The following SARDH variants were observed in gnomAD, a reference collection of about 807,000 sequenced individuals.
The protein encoded by SARDH is sarcosine dehydrogenase, mitochondrial.
A neutral mutation model predicts 109.1 loss-of-function variants in SARDH; 95 were observed. That is an observed-to-expected ratio of 0.87 (90% CI 0.74 to 1.03). The LOEUF (loss-of-function observed/expected upper bound fraction) is 1.03, where lower values mean the gene tolerates loss of function less well. Among genes scored for constraint, SARDH ranks in the 50% least tolerant of loss-of-function variants. The pLI is 0.00. For missense variants in SARDH, 1,267 were observed against 1,287.8 expected, an observed-to-expected ratio of 0.98 and a Z score of 0.25; for synonymous variants, 572 against 534.8, an observed-to-expected ratio of 1.07 and a Z score of -0.96.
chr9:133,737,924 G>A (rs944653957), intron 1 of SARDH, among the ~76,000 whole-genome samples: 1 of 152,212 alleles, frequency 6.6e-6, no homozygotes, highest in Non-Finnish European at 1.5e-5. Flanking sequence ...TTTTGTCACA[G>A]GACTGGGGCC....
intron 11 of SARDH, among the ~76,000 whole-genome samples, chr9:133,705,821 A>C (rs1831674839): frequency 6.6e-6 from 1 of 152,218 alleles, no homozygotes; most frequent in Non-Finnish European, 1.5e-5. Flanking sequence ...TTTAGGTTAA[A>C]TGAGGTCATC....
At chr9:133,680,425 G>A (rs1191712098) in intron 17 of SARDH, among the ~76,000 whole-genome samples, 1 of 152,256 alleles carries the variant, frequency 6.6e-6, no homozygotes, top group Non-Finnish European at 1.5e-5. Context: ...CACCCGTCTT[G>A]CTGGCCAGGA....
At chr9:133,683,263 G>A (rs1830762261) in intron 17 of SARDH, among the ~76,000 whole-genome samples, 1 of 152,178 alleles carries the variant, frequency 6.6e-6, no homozygotes, top group African/African-American at 2.4e-5. Context: ...ACAAGTCCCA[G>A]CAGCTTGCTG....
chr9:133,733,751 T>A, intron 2 of SARDH, 92 bp downstream of exon 2: 1 of 1,252,254 alleles, frequency 8.0e-7, no homozygotes, highest in Admixed American at 3.5e-5. Flanking sequence ...AGGCTGGTTG[T>A]TGTGAACCAA....
Position 133,702,665 on chromosome 9 carries a change from C to A in SARDH, c.1668+251G>T, listed in dbSNP as rs574049859. 3.9e-5 allele frequency among the ~76,000 whole-genome samples: 6 copies of A among 152,376 alleles called. No individual in the cohort carries two copies. In the East Asian group the frequency reaches 9.6e-4, roughly 25 times the overall value. ...GCCCGTTGCCTCCGCCCCCACCTCA[C>A]CCCATCCCCAGCAGCACCACTTCCG... On this transcript the variant is annotated intron_variant, in intron 13 of 20. Coordinates refer to ENST00000439388, the MANE Select transcript of SARDH (RefSeq NM_001134707.2).
chr9:133,720,626 T>C (rs781523024), intron 6 of SARDH, among the ~76,000 whole-genome samples: 9 of 150,926 alleles, frequency 6.0e-5, no homozygotes, highest in Admixed American at 3.3e-4. Context: ...AGCAAAGGCA[T>C]GTCTTACATG....
At position 133,727,077 on chromosome 9, in the gene SARDH, G is replaced by A. The variant is rs145864825; in HGVS notation, c.915+2688C>T. On this transcript the variant is annotated intron_variant, in intron 6 of 20. Transcript: ENST00000439388. The stretch of plus-strand genomic sequence containing the variant: ...AGCTCTGCCCACGGATGGAGCAGCC[G>A]CTCCTTGCCACTGCAAAAGTACGCC... Among the ~76,000 whole-genome samples the A allele has an allele frequency of 7.2e-4, 109 of 152,218 alleles. No individual in the cohort carries two copies. The East Asian group carries it at 0.013, about 19-fold the overall frequency.
rs1347334972 is a variant in SARDH, at chr9:133,709,144, C to T, written c.1329-716G>A. Among the ~76,000 whole-genome samples, 2 of 152,140 alleles carry T rather than the reference C, an allele frequency of 1.3e-5. No individual in the cohort carries two copies. The highest frequency in any genetic ancestry group is 6.5e-5 in the Admixed American group (1 of 15,286). On this transcript the variant is annotated intron_variant, in intron 10 of 20. Transcript: ENST00000439388. This position sits in a 1 kb window ranked among gnomAD's most constrained non-coding sequence, Gnocchi z 4.2. ...TGCAATAGTTTTGGGTTTGTTCCTT[C>T]GAGGCTGGGGACACAGTGTGCGGCC...
chr9:133,715,075 C>T, intron 8 of SARDH, among the ~76,000 whole-genome samples: 1 of 152,174 alleles, frequency 6.6e-6, no homozygotes, highest in East Asian at 1.9e-4. Context: ...CCTTGGTGAG[C>T]TCCACCATCC....
Position 133,730,115 on chromosome 9 carries a change from C to G in SARDH, c.763G>C (p.Val255Leu). 6.2e-7 allele frequency: 1 copy of G among 1,614,232 alleles called. No homozygotes were observed. The highest frequency in any genetic ancestry group is 1.1e-5 in the South Asian group (1 of 91,090). The change falls in exon 5 of 21, where the codon GTG becomes CTG. Residue 255 changes from valine to leucine, a missense_variant. Coordinates refer to ENST00000439388, the MANE Select transcript of SARDH (RefSeq NM_001134707.2). ...DDFGVRRVAGVETQHGSIQTP... is the reference protein window; with the variant it reads ...DDFGVRRVAGLETQHGSIQTP... Reference sequence around the variant, plus strand: ...TGGATGGAACCATGCTGAGTCTCCACACCCGCGACCCGCCGCACCCCAAAA... The same window carrying G: ...TGGATGGAACCATGCTGAGTCTCCAGACCCGCGACCCGCCGCACCCCAAAA...
chr9:133,732,434 T>C lies in SARDH; in HGVS notation c.499A>G (p.Arg167Gly), dbSNP rs1440222153. ...AGGGGAGCACACACCGACATGAGCC[T>C]CTTGTACTCGTCCAGGCGCTGCCGG... ...SNRQRLDEYK[R>G]LMSLGKAYGV... The change falls in exon 3 of 21, where the codon AGG (arginine) becomes GGG (glycine). Residue 167 changes from arginine (R) to glycine (G), a missense_variant. Transcript: ENST00000439388. 1 of 1,338,162 alleles carries C rather than the reference T, an allele frequency of 7.5e-7. No individual in the cohort carries two copies. The highest frequency in any genetic ancestry group is 9.8e-7 in the Non-Finnish European group (1 of 1,017,526). 82.9% of individuals were successfully genotyped at this position (1,338,162 alleles called of 1,614,324 possible).
At chr9:133,700,132 G>C (rs1353309499) in intron 13 of SARDH, among the ~76,000 whole-genome samples, 1 of 152,174 alleles carries the variant, frequency 6.6e-6, no homozygotes, top group Admixed American at 6.5e-5. Flanking sequence ...TTCAAGACCA[G>C]CCTGGTCAAC....
Position 133,703,002 on chromosome 9 carries a change from A to C in SARDH, c.1582T>G (p.Tyr528Asp). ...PVLEYDYYGA[Y>D]GSRAHEDYAY... ...TAGTCCTCGTGCGCGCGGCTCCCGT[A>C]AGCCCCGTAGTAGTCGTACTCGAGG... Residue 528 changes from tyrosine (Y) to aspartate (D), a missense_variant, in exon 13 of 21, where the codon TAC (tyrosine) becomes GAC (aspartate). Physicochemically the swap from Tyr to Asp is radical, Grantham distance 160. Transcript: ENST00000439388. 1 of 1,613,448 alleles carries C rather than the reference A, an allele frequency of 6.2e-7. No homozygotes were observed. Among genetic ancestry groups the C allele is most frequent in the Non-Finnish European group, 8.5e-7 (1 of 1,179,964 alleles).
rs576697215 is a variant in SARDH at position 133,690,495 on chromosome 9, C to T, written c.1954G>A (p.Val652Met). 3.3e-5 allele frequency: 53 copies of T among 1,609,368 alleles called. No individual in the cohort carries two copies. Among genetic ancestry groups the T allele is most frequent in the East Asian group, 8.9e-5 (4 of 44,834 alleles). ...DGYYLAMGGA[V>M]AQHNWSHITT... Reference sequence around the variant, plus strand: ...ATGTGGGACCAGTTGTGCTGGGCCACGGCCCCGCCCATGGCCAGGTAGTAA... The same window carrying T: ...ATGTGGGACCAGTTGTGCTGGGCCATGGCCCCGCCCATGGCCAGGTAGTAA... Residue 652 changes from valine to methionine, a missense_variant, in exon 16 of 21, where the codon GTG becomes ATG. Transcript: ENST00000439388.
At chr9:133,708,878 G>A (rs778065400) in intron 10 of SARDH, among the ~76,000 whole-genome samples, 3 of 152,162 alleles carry the variant, frequency 2.0e-5, no homozygotes, top group Non-Finnish European at 4.4e-5. Flanking sequence ...CTGGTGATGC[G>A]TCAGAACACC....
chr9:133,731,570 A>C (rs1588457686), intron 3 of SARDH, 86 bp from the exon 4 acceptor site: 1 of 1,360,952 alleles, frequency 7.3e-7, no homozygotes, highest in Non-Finnish European at 1.0e-6. Flanking sequence ...TCCACCGCAA[A>C]CCCCAGCCTC....
chr9:133,676,387 C>G (rs1830513000), intron 17 of SARDH, among the ~76,000 whole-genome samples: 1 of 152,114 alleles, frequency 6.6e-6, no homozygotes, highest in Admixed American at 6.5e-5. Flanking sequence ...TCAATGGGGA[C>G]AGAGCTTCAG....
At chr9:133,669,429 C>T (rs1482012510) in intron 19 of SARDH, among the ~76,000 whole-genome samples, 1 of 149,442 alleles carries the variant, frequency 6.7e-6, no homozygotes, top group Non-Finnish European at 1.5e-5. Flanking sequence ...CTGTCAGCTC[C>T]ATGTCCACAG....
rs1279887321 is a variant in SARDH, at chr9:133,712,408, T to G, written c.1328+211A>C. 6.6e-6 allele frequency among the ~76,000 whole-genome samples: 1 copy of G among 151,970 alleles called. No homozygotes were observed. ...AGGCAGGACCCTGGGACAAGAGATC[T>G]TCAAAGCTGTAAAGGGGCGTGGACC... On this transcript the variant is annotated intron_variant, in intron 10 of 20. Transcript: ENST00000439388. The surrounding 1 kb of genome is among the most constrained non-coding windows in gnomAD (Gnocchi z 4.1).
Sources: gnomAD v4.1 joint callset for allele counts (sites outside exome capture counted in the v4.1 genomes callset) on GRCh38, gnomAD v4.1.1 for gene constraint, Gnocchi (gnomAD v3.1) non-coding constraint, MANE v1.5 for transcripts, NCBI Gene and HGNC (gene_info 2026-07-23, HGNC 2026-07-21) for gene names.